The following NYAP2 variants were observed in gnomAD, a reference collection of about 807,000 sequenced individuals.
NYAP2 encodes the protein neuronal tyrosine-phosphorylated phosphoinositide-3-kinase adaptor 2.
A neutral mutation model predicts 50.4 loss-of-function variants in NYAP2; 23 were observed. That is an observed-to-expected ratio of 0.46 (90% CI 0.33 to 0.65). The LOEUF is 0.65. Among genes scored for constraint, NYAP2 ranks in the 30% least tolerant of loss-of-function variants. The probability of loss-of-function intolerance (pLI) is 0.02; values close to 1 mark genes in which losing one functional copy is unlikely to be tolerated. For synonymous variants in NYAP2, 394 were observed against 365.2 expected (o/e 1.08, Z -0.90); for missense variants, 885 against 861.0 (o/e 1.03, Z -0.35).
In NYAP2 at chr2:225,651,312, A is replaced by C. The variant is rs541805282; in HGVS notation, c.1829-120A>C. On this transcript the variant is annotated intron_variant, in intron 6 of 6. Coordinates refer to ENST00000636099, the Ensembl canonical transcript of NYAP2. ...TATCACCTGCTACTTATTAGCAAAC[A>C]TCAGGAGCATTTTGTATATTCCAAG... 19 of 1,343,222 alleles carry C rather than the reference A, an allele frequency of 1.4e-5. No homozygotes were observed. The South Asian group carries it at 2.0e-4, about 14-fold the overall frequency. 83.2% of individuals were successfully genotyped at this position (1,343,222 alleles called of 1,614,324 possible).
chr2:225,584,183 G>C (rs188534656), intron 5 of NYAP2, among the ~76,000 whole-genome samples: 109 of 152,226 alleles, frequency 7.2e-4, no homozygotes, highest in African/African-American at 2.5e-3. Context: ...TCATGTTCTT[G>C]TATTTTTACC....
intron 3 of NYAP2, among the ~76,000 whole-genome samples, chr2:225,427,926 C>T (rs1357785346): frequency 6.6e-6 from 1 of 152,140 alleles, no homozygotes; most frequent in Non-Finnish European, 1.5e-5. Flanking sequence ...AAAACAATGA[C>T]TCTCCTTCCT....
At chr2:225,594,416 C>T (rs1692561472) in intron 5 of NYAP2, among the ~76,000 whole-genome samples, 1 of 151,862 alleles carries the variant, frequency 6.6e-6, no homozygotes, top group South Asian at 2.1e-4. Context: ...CCTAGGTACT[C>T]AGGAGGCTGA....
intron 3 of NYAP2, among the ~76,000 whole-genome samples, chr2:225,462,432 C>T (rs1374260099): frequency 6.6e-6 from 1 of 152,022 alleles, no homozygotes; most frequent in Non-Finnish European, 1.5e-5. Flanking sequence ...TTCTTTTGTG[C>T]CTTGAGAAGT....
rs142903796 is a variant in NYAP2, at chr2:225,597,777, A to C, written c.1618+14742A>C. 2.0e-3 allele frequency among the ~76,000 whole-genome samples: 305 copies of C among 151,816 alleles called. 8 individuals are homozygous for C. The East Asian group carries it at 0.053, about 26-fold the overall frequency. ...ATTTACCTCATAGGATTGTTGTGAC[A>C]ATTTAAAGGAAATCATGCACAGGAC... On this transcript the variant is annotated intron_variant, in intron 5 of 6. Transcript: ENST00000636099.
intron 6 of NYAP2, among the ~76,000 whole-genome samples, chr2:225,640,650 A>T (rs1429512004): frequency 6.6e-6 from 1 of 152,166 alleles, no homozygotes; most frequent in Non-Finnish European, 1.5e-5. Flanking sequence ...GCCTAGAGTC[A>T]AGGAATTTGG....
intron 3 of NYAP2, among the ~76,000 whole-genome samples, chr2:225,501,838 G>C (rs556310609): frequency 6.6e-6 from 1 of 152,200 alleles, no homozygotes; most frequent in African/African-American, 2.4e-5. Flanking sequence ...ACAATGCATG[G>C]TCTGTGCTCT....
chr2:225,564,100 T>C (rs1477582969), intron 4 of NYAP2, among the ~76,000 whole-genome samples: 1 of 152,062 alleles, frequency 6.6e-6, no homozygotes, highest in Non-Finnish European at 1.5e-5. Flanking sequence ...TTTTCATAAC[T>C]ATTTAAATAA....
chr2:225,437,344 A>C (rs1689395948), intron 3 of NYAP2, among the ~76,000 whole-genome samples: 1 of 152,172 alleles, frequency 6.6e-6, no homozygotes, highest in Non-Finnish European at 1.5e-5. Context: ...ATCTAAAGAG[A>C]AAAACAGATA....
At chr2:225,409,460 C>A (rs1371130927) in intron 3 of NYAP2, among the ~76,000 whole-genome samples, 2 of 151,984 alleles carry the variant, frequency 1.3e-5, no homozygotes, top group Non-Finnish European at 2.9e-5. Context: ...CCTTTAATGG[C>A]CTTTGGTTAT....
intron 4 of NYAP2, among the ~76,000 whole-genome samples, chr2:225,544,221 GTT>G (rs796586708): frequency 4.3e-5 from 6 of 141,170 alleles, no homozygotes; most frequent in African/African-American, 1.0e-4. Flanking sequence ...ATGATTGGGT[GTT>G]TTTTTTTTTT....
intron 4 of NYAP2, among the ~76,000 whole-genome samples, chr2:225,532,447 C>T (rs1352543250): frequency 6.6e-6 from 1 of 152,126 alleles, no homozygotes; most frequent in Non-Finnish European, 1.5e-5. Context: ...TTAAGACCTG[C>T]TTTTTACAAT....
chr2:225,537,352 G>C (rs967668508), intron 4 of NYAP2, among the ~76,000 whole-genome samples: 1 of 151,994 alleles, frequency 6.6e-6, no homozygotes, highest in Non-Finnish European at 1.5e-5. Flanking sequence ...TCACACTGCT[G>C]ATAAAGACAT....
intron 3 of NYAP2, among the ~76,000 whole-genome samples, chr2:225,511,448 A>G (rs761604527): frequency 3.9e-5 from 6 of 151,920 alleles, no homozygotes; most frequent in Non-Finnish European, 8.8e-5. Context: ...CTATGATGTC[A>G]ACACTGCCCC....
intron 3 of NYAP2, among the ~76,000 whole-genome samples, chr2:225,423,622 AGTGTATGCATGTTTATTTT>A: frequency 6.6e-6 from 1 of 152,164 alleles, no homozygotes; most frequent in African/African-American, 2.4e-5. Context: ...CGCCTAGACA[AGTGTATGCATGTTTATTTT>A]TTAATGATGT....
At chr2:225,552,581 T>C (rs1435422118) in intron 4 of NYAP2, among the ~76,000 whole-genome samples, 1 of 152,204 alleles carries the variant, frequency 6.6e-6, no homozygotes, top group African/African-American at 2.4e-5. Flanking sequence ...CTCTCTGCTC[T>C]CTACTGTGTG....
chr2:225,682,120 T>C, the NYAP2 span, among the ~76,000 whole-genome samples: 4 of 152,184 alleles, frequency 2.6e-5, no homozygotes, highest in South Asian at 8.3e-4. Context: ...ATGCCTTCTG[T>C]AGCCAACTGA....
intron 5 of NYAP2, among the ~76,000 whole-genome samples, chr2:225,583,967 G>A (rs1168232659): frequency 6.6e-6 from 1 of 152,058 alleles, no homozygotes; most frequent in Non-Finnish European, 1.5e-5. Context: ...GCGCGAACCC[G>A]GGAGGCAGAG....
At chr2:225,439,024 T>C (rs746236262) in intron 3 of NYAP2, among the ~76,000 whole-genome samples, 5 of 152,158 alleles carry the variant, frequency 3.3e-5, no homozygotes, top group Non-Finnish European at 5.9e-5. Context: ...TGCATACATC[T>C]GCATGTGAGT....
Sources: allele counts gnomAD v4.1 joint callset (sites outside exome capture counted in the v4.1 genomes callset), GRCh38; gene constraint gnomAD v4.1.1; transcripts MANE v1.5; gene names NCBI Gene and HGNC (gene_info 2026-07-23, HGNC 2026-07-21).